Variants in PCCA observed in about 807,000 individuals in gnomAD.
PCCA encodes the protein propionyl-CoA carboxylase subunit alpha.
A neutral mutation model predicts 101.3 loss-of-function variants in PCCA; 74 were observed. The ratio of observed to expected loss-of-function variants is 0.73; its 90% CI spans 0.61 to 0.89. PCCA has a LOEUF of 0.89. Among genes scored for constraint, PCCA ranks in the 40% least tolerant of loss-of-function variants. The probability of loss-of-function intolerance (pLI) is 0.00; values close to 1 mark genes in which losing one functional copy is unlikely to be tolerated. For missense variants in PCCA, 891 were observed against 907.0 expected (o/e 0.98, Z 0.23); for synonymous variants, 294 against 313.6 (o/e 0.94, Z 0.66).
intron 14 of PCCA, among the ~76,000 whole-genome samples, chr13:100,305,203 A>G (rs972807111): frequency 6.6e-6 from 1 of 152,212 alleles, no homozygotes; most frequent in African/African-American, 2.4e-5. Flanking sequence ...TTATACAAAG[A>G]TACGTGTTTA....
chr13:100,137,508 A>G (rs867338042), intron 4 of PCCA, among the ~76,000 whole-genome samples: 2 of 152,162 alleles, frequency 1.3e-5, no homozygotes, highest in Non-Finnish European at 2.9e-5. Flanking sequence ...TGCTTTATGA[A>G]GCACTGTTGT....
chr13:100,335,597 C>G (rs930462827), intron 17 of PCCA, among the ~76,000 whole-genome samples: 2 of 152,148 alleles, frequency 1.3e-5, no homozygotes, highest in Non-Finnish European at 1.5e-5. Flanking sequence ...CAGAGTAAGG[C>G]GACTCTCTTT....
At chr13:100,430,878 T>A (rs2079501349) in intron 20 of PCCA, among the ~76,000 whole-genome samples, 1 of 152,194 alleles carries the variant, frequency 6.6e-6, no homozygotes, top group Admixed American at 6.5e-5. Flanking sequence ...ACTAACCTTA[T>A]TCTGTACTTA....
At chr13:100,334,492 G>T (rs1209600465) in intron 17 of PCCA, among the ~76,000 whole-genome samples, 2 of 152,174 alleles carry the variant, frequency 1.3e-5, no homozygotes, top group Non-Finnish European at 2.9e-5. Context: ...ACTCACTAAG[G>T]ACAGGTGGTG....
intron 17 of PCCA, among the ~76,000 whole-genome samples, 197 bp from the exon 18 acceptor site, chr13:100,339,960 G>A (rs895865182): frequency 1.3e-5 from 2 of 152,198 alleles, no homozygotes; most frequent in Non-Finnish European, 2.9e-5. Context: ...TAAACTTCCC[G>A]TGAGCAGGAT....
At chr13:100,292,934 C>CATGTGTGTGTGT (rs141432911) in intron 12 of PCCA, among the ~76,000 whole-genome samples, 3 of 147,584 alleles carry the variant, frequency 2.0e-5, no homozygotes, top group African/African-American at 7.5e-5. Context: ...TTTCCAAATT[C>CATGTGTGTGTGT]GTGTGTGTGT....
At chr13:100,165,553 A>G (rs2054943413) in intron 6 of PCCA, among the ~76,000 whole-genome samples, 2 of 152,230 alleles carry the variant, frequency 1.3e-5, no homozygotes, top group Admixed American at 6.5e-5. Context: ...AAAAGTTTGA[A>G]GAATTGTACT....
chr13:100,397,472 T>TA (rs1470990382), intron 19 of PCCA, among the ~76,000 whole-genome samples: 1 of 151,924 alleles, frequency 6.6e-6, no homozygotes, highest in East Asian at 1.9e-4. Context: ...GAAAAAGTAA[T>TA]ACGATGTTTA....
At chr13:100,255,867 C>T (rs374995424) in intron 8 of PCCA, among the ~76,000 whole-genome samples, 8 of 152,196 alleles carry the variant, frequency 5.3e-5, no homozygotes, top group Middle Eastern at 3.4e-3. Context: ...TGTGTTTTCC[C>T]CTACCATCCT....
intron 4 of PCCA, among the ~76,000 whole-genome samples, chr13:100,141,639 C>T (rs1301991862): frequency 6.6e-6 from 1 of 152,174 alleles, no homozygotes; most frequent in African/African-American, 2.4e-5. Context: ...TTTCAAACTA[C>T]TGACCTCAAG....
At chr13:100,311,760 A>G (rs2066933444) in intron 16 of PCCA, among the ~76,000 whole-genome samples, 1 of 152,126 alleles carries the variant, frequency 6.6e-6, no homozygotes, top group Admixed American at 6.6e-5. Flanking sequence ...ACAGTGTAAG[A>G]CTCTGTCTCC....
intron 8 of PCCA, among the ~76,000 whole-genome samples, chr13:100,243,797 G>A (rs2061289321): frequency 6.6e-6 from 1 of 152,150 alleles, no homozygotes; most frequent in Non-Finnish European, 1.5e-5. Flanking sequence ...GTGTGTGGGG[G>A]CTATATGGTA....
chr13:100,492,626 G>A lies in PCCA; in HGVS notation c.1900-22801G>A, dbSNP rs559579648. On this transcript the variant is annotated intron_variant, in intron 21 of 23. Transcript: ENST00000376285. ...GCCCCACCCTCAAGCCTGGAAATCC[G>A]GAGCCCTAAATGGGAACAGGCATTC... 1.4e-4 allele frequency among the ~76,000 whole-genome samples: 21 copies of A among 151,536 alleles called. No individual in the cohort carries two copies. The South Asian group carries it at 2.5e-3, about 18-fold the overall frequency.
At chr13:100,313,183 A>G (rs1479837389) in intron 16 of PCCA, among the ~76,000 whole-genome samples, 1 of 150,746 alleles carries the variant, frequency 6.6e-6, no homozygotes, top group East Asian at 2.0e-4. Context: ...CTCCTGATCC[A>G]TTTGAAAGAA....
At chr13:100,317,048 A>G (rs572608400) in intron 16 of PCCA, among the ~76,000 whole-genome samples, 1 of 152,158 alleles carries the variant, frequency 6.6e-6, no homozygotes, top group South Asian at 2.1e-4. Flanking sequence ...GAACAATACT[A>G]TTTCTGTTTA....
chr13:100,362,283 C>T (rs74113901), intron 18 of PCCA, among the ~76,000 whole-genome samples: 2,859 of 151,510 alleles, frequency 0.019, 101 homozygotes, highest in African/African-American at 0.066. Flanking sequence ...TAGTTGTATG[C>T]GAGTAAAATT....
chr13:100,520,169 C>T (rs1005996102), intron 22 of PCCA, among the ~76,000 whole-genome samples: 6 of 152,168 alleles, frequency 3.9e-5, no homozygotes, highest in Non-Finnish European at 7.3e-5. Flanking sequence ...ACTCCTGTGC[C>T]CTTTGTTCAC....
At chr13:100,517,248 G>T (rs1380362921) in intron 22 of PCCA, among the ~76,000 whole-genome samples, 1 of 152,246 alleles carries the variant, frequency 6.6e-6, no homozygotes, top group Non-Finnish European at 1.5e-5. Flanking sequence ...CCTCAAGGAG[G>T]TTGCTCAGAG....
chr13:100,126,039 G>A lies in PCCA; in HGVS notation c.300+13978G>A, dbSNP rs182692121. Among the ~76,000 whole-genome samples, 38 of 152,262 alleles carry A rather than the reference G, an allele frequency of 2.5e-4. No homozygotes were observed. In the East Asian group the frequency reaches 6.6e-3, roughly 26 times the overall value. On this transcript the variant is annotated intron_variant, in intron 4 of 23. Coordinates refer to ENST00000376285, the MANE Select transcript of PCCA (RefSeq NM_000282.4). ...ATGACATGTAAGCATGTCTGTGTAC[G>A]AATTGGACAGGCAATGAGTTAATCA...
Sources: gnomAD v4.1 joint callset for allele counts (sites outside exome capture counted in the v4.1 genomes callset) on GRCh38, gnomAD v4.1.1 for gene constraint, MANE v1.5 for transcripts, NCBI Gene and HGNC (gene_info 2026-07-23, HGNC 2026-07-21) for gene names.